EPHB3: variants seen among roughly 807,000 people sequenced by gnomAD.
EPHB3 encodes ephrin type-B receptor 3.
Under a neutral mutation model 100.2 loss-of-function variants are expected in EPHB3, and 33 were observed. The ratio of observed to expected loss-of-function variants is 0.33; its 90% CI spans 0.25 to 0.44. The LOEUF is 0.44. Ranked by LOEUF, EPHB3 falls within the 20% of genes least tolerant of loss-of-function variation. EPHB3 has a pLI of 1.00. For synonymous variants in EPHB3, 526 were observed against 554.7 expected (o/e 0.95, Z 0.73); for missense variants, 1,045 against 1,378.3 (o/e 0.76, Z 3.83).
rs969657315 is a variant in EPHB3, at chr3:184,579,697, G to A, written c.1935G>A (p.Gly645=). The A allele has an allele frequency of 1.2e-6, 2 of 1,611,154 alleles. No homozygotes were observed. The highest frequency in any genetic ancestry group is 1.7e-6 in the Non-Finnish European group (2 of 1,178,074). ...IEEVIGAGEF[G]EVCRGRLKQP... is the part of the protein sequence containing the mutation. ...CCCTGTGCCCTGCAGGGGAATTTGG[G>A]GAAGTGTGCCGTGGTCGACTGAAAC... The change falls in exon 11 of 16, where the codon GGG becomes GGA. Residue 645 remains glycine, a synonymous_variant. Transcript: ENST00000330394. This position sits in a 1 kb window ranked among gnomAD's most constrained non-coding sequence, Gnocchi z 5.2.
In EPHB3 at chr3:184,571,303, C is replaced by T. The variant is rs754241721; in HGVS notation, c.119-15C>T. On this transcript the variant is annotated splice_polypyrimidine_tract_variant and intron_variant, in intron 1 of 15. Coordinates refer to ENST00000330394, the MANE Select transcript of EPHB3 (RefSeq NM_004443.4). This position sits in a 1 kb window ranked among gnomAD's most constrained non-coding sequence, Gnocchi z 5.0. Reference sequence around the variant, plus strand: ...TGAGATTAGTCCCTGACCTTTTTCTCCGTTGTTCCTCCAGAGACCCTCATG... The same window carrying T: ...TGAGATTAGTCCCTGACCTTTTTCTTCGTTGTTCCTCCAGAGACCCTCATG... 1 of 1,613,742 alleles carries T rather than the reference C, an allele frequency of 6.2e-7. No homozygotes were observed.
In EPHB3 at chr3:184,573,246, C is replaced by T. The variant is rs979208867; in HGVS notation, c.856+70C>T. 1.3e-5 allele frequency: 20 copies of T among 1,576,814 alleles called. No homozygotes were observed. In the South Asian group the frequency reaches 2.1e-4, roughly 17 times the overall value. Reference sequence around the variant, plus strand: ...GGCCACAGCTACCTACCGCCCCGCCCCCCACCCCTGCTTGCTATCTGACTA... The same window carrying T: ...GGCCACAGCTACCTACCGCCCCGCCTCCCACCCCTGCTTGCTATCTGACTA... On this transcript the variant is annotated intron_variant, in intron 3 of 15. Transcript: ENST00000330394. The surrounding 1 kb of genome is among the most constrained non-coding windows in gnomAD (Gnocchi z 4.5).
At position 184,561,958 on chromosome 3, in the gene EPHB3, G is replaced by A. The variant is rs1029005082; in HGVS notation, c.-278G>A. ...CCCGGCCCGCCCCCCAAGTCCTCAG[G>A]CACCCAGCTCCCCGGCGCCCCGGAT... is the stretch of plus-strand genomic sequence containing the variant. On this transcript the variant is annotated 5_prime_UTR_variant, in exon 1 of 16. Transcript: ENST00000330394. 10 of 157,856 alleles carry A rather than the reference G, an allele frequency of 6.3e-5. No individual in the cohort carries two copies. Among genetic ancestry groups the A allele is most frequent in the Admixed American group, 1.9e-4 (3 of 15,446 alleles). The allele number at this position is 157,856 out of a possible 1,614,324, so 9.8% of individuals were successfully genotyped here.
rs1714528559 is a variant in EPHB3, at chr3:184,571,102, TGC to T, written c.119-213_119-212del. Among the ~76,000 whole-genome samples, 1 of 152,048 alleles carries T rather than the reference TGC, an allele frequency of 6.6e-6. No homozygotes were observed. The highest frequency in any genetic ancestry group is 1.5e-5 in the Non-Finnish European group (1 of 68,008). ...TCCCGAGTAGCTGGGATTACAGGCG[TGC>T]GCCACCAGCCTGGCTAATTTTGTAT... On this transcript the variant is annotated intron_variant, in intron 1 of 15. Coordinates refer to ENST00000330394, the MANE Select transcript of EPHB3 (RefSeq NM_004443.4). This position sits in a 1 kb window ranked among gnomAD's most constrained non-coding sequence, Gnocchi z 5.0.
In EPHB3 at chr3:184,561,967, T is replaced by A. The variant is rs1453805098; in HGVS notation, c.-269T>A. ...CCCCCCAAGTCCTCAGGCACCCAGC[T>A]CCCCGGCGCCCCGGATCCTCCTGGA... On this transcript the variant is annotated 5_prime_UTR_variant, in exon 1 of 16. Transcript: ENST00000330394. 1 of 157,144 alleles carries A rather than the reference T, an allele frequency of 6.4e-6. No individual in the cohort carries two copies. The highest frequency in any genetic ancestry group is 2.5e-5 in the African/African-American group (1 of 40,760). 9.7% of individuals were successfully genotyped at this position (157,144 alleles called of 1,614,324 possible).
At position 184,573,176 on chromosome 3, in the gene EPHB3, C is replaced by T. The variant is rs767397230; in HGVS notation, c.856C>T (p.Pro286Ser). The part of the protein sequence containing the change: ...EPAAKESQCR[P>S]CPPGSYKAKQ... Reference sequence around the variant, plus strand: ...AGCTGCCAAGGAGTCCCAGTGCCGCCGTGAGTGGGGACTGTCCTGGGGAAA... The same window carrying T: ...AGCTGCCAAGGAGTCCCAGTGCCGCTGTGAGTGGGGACTGTCCTGGGGAAA... Residue 286 changes from proline to serine, a missense_variant and splice_region_variant, in exon 3 of 16, where the codon CCC becomes TCC. By Grantham distance (74) the Pro-to-Ser change is moderately conservative. Coordinates refer to ENST00000330394, the MANE Select transcript of EPHB3 (RefSeq NM_004443.4). This position sits in a 1 kb window ranked among gnomAD's most constrained non-coding sequence, Gnocchi z 4.5. 1.2e-5 allele frequency: 20 copies of T among 1,611,184 alleles called. No individual in the cohort carries two copies. Among genetic ancestry groups the T allele is most frequent in the South Asian group, 7.7e-5 (7 of 91,086 alleles).
rs149143236 is a variant in EPHB3 at position 184,572,834 on chromosome 3, G to A, written c.514G>A (p.Gly172Ser). 3 of 1,566,592 alleles carry A rather than the reference G, an allele frequency of 1.9e-6. No homozygotes were observed. Among genetic ancestry groups the A allele is most frequent in the Non-Finnish European group, 2.6e-6 (3 of 1,156,246 alleles). ...PDESFSRLDA[G>S]RVNTKVRSFG... The stretch of plus-strand genomic sequence containing the variant: ...TGAGAGCTTCTCGCGGCTGGATGCC[G>A]GCCGTGTCAACACCAAGGTGCGCAG... Residue 172 changes from glycine (G) to serine (S), a missense_variant, in exon 3 of 16, where the codon GGC (glycine) becomes AGC (serine). Transcript: ENST00000330394. This position sits in a 1 kb window ranked among gnomAD's most constrained non-coding sequence, Gnocchi z 6.6.
At chr3:184,580,032 A>C (rs1714781520) in intron 11 of EPHB3, 98 bp downstream of exon 11, 1 of 1,520,758 alleles carries the variant, frequency 6.6e-7, no homozygotes, top group Non-Finnish European at 8.8e-7. Context: ...CAAGTCCATA[A>C]GCATTTACTG....
At position 184,572,849 on chromosome 3, in the gene EPHB3, A is replaced by G; in HGVS notation, c.529A>G (p.Lys177Glu). ...GCTGGATGCCGGCCGTGTCAACACCAAGGTGCGCAGCTTTGGGCCACTTTC... is the reference window on the plus strand; with the variant it reads ...GCTGGATGCCGGCCGTGTCAACACCGAGGTGCGCAGCTTTGGGCCACTTTC... ...SRLDAGRVNT[K>E]VRSFGPLSKA... Residue 177 changes from lysine to glutamate, a missense_variant, in exon 3 of 16, where the codon AAG becomes GAG. This residue lies in a region of EPHB3 where 985 missense variants were observed against 1,331.1 expected (regional missense o/e 0.74). Coordinates refer to ENST00000330394, the MANE Select transcript of EPHB3 (RefSeq NM_004443.4). The surrounding 1 kb of genome is among the most constrained non-coding windows in gnomAD (Gnocchi z 6.6). 1 of 1,565,208 alleles carries G rather than the reference A, an allele frequency of 6.4e-7. No homozygotes were observed. The highest frequency in any genetic ancestry group is 8.7e-7 in the Non-Finnish European group (1 of 1,155,474).
intron 11 of EPHB3, 58 bp from the exon 12 acceptor site, chr3:184,580,344 G>A: frequency 6.2e-7 from 1 of 1,604,756 alleles, no homozygotes; most frequent in African/African-American, 1.3e-5. Flanking sequence ...AAGGCAGGTG[G>A]GCAGGCCATG....
chr3:184,564,970 G>A (rs1488565640), intron 1 of EPHB3, among the ~76,000 whole-genome samples: 1 of 152,082 alleles, frequency 6.6e-6, no homozygotes, highest in Non-Finnish European at 1.5e-5. Flanking sequence ...GTGGCTCTTT[G>A]TGTCTGGGGC....
In EPHB3 at chr3:184,575,825, C is replaced by G; in HGVS notation, c.857-5C>G. The G allele has an allele frequency of 6.3e-7, 1 of 1,594,520 alleles. No homozygotes were observed. Among genetic ancestry groups the G allele is most frequent in the Non-Finnish European group, 8.5e-7 (1 of 1,170,548 alleles). On this transcript the variant is annotated splice_polypyrimidine_tract_variant and splice_region_variant and intron_variant, in intron 3 of 15. Coordinates refer to ENST00000330394, the MANE Select transcript of EPHB3 (RefSeq NM_004443.4). ...GAGCCCCATTCATCCTCTTCTCTCC[C>G]ACAGCCTGTCCCCCTGGGAGCTACA...
rs1392505608 is a variant in EPHB3 at position 184,579,379 on chromosome 3, T to A, written c.1802-98T>A. 6.5e-7 allele frequency: 1 copy of A among 1,541,244 alleles called. No individual in the cohort carries two copies. The highest frequency in any genetic ancestry group is 8.8e-7 in the Non-Finnish European group (1 of 1,137,448). ...ATTAGGGCAGCAACACAGAGGAATA[T>A]GGGGCTGGGCTCAGCAGGGAGCCTG... On this transcript the variant is annotated intron_variant, in intron 9 of 15. Coordinates refer to ENST00000330394, the MANE Select transcript of EPHB3 (RefSeq NM_004443.4). This position sits in a 1 kb window ranked among gnomAD's most constrained non-coding sequence, Gnocchi z 5.2.
chr3:184,573,203 G>A lies in EPHB3; in HGVS notation c.856+27G>A, dbSNP rs1714585011. 5.0e-6 allele frequency: 8 copies of A among 1,606,626 alleles called. No individual in the cohort carries two copies. The highest frequency in any genetic ancestry group is 3.3e-5 in the Admixed American group (2 of 59,976). ...TGAGTGGGGACTGTCCTGGGGAAAGGGTTGTCGGGAGGGCCTGGGCCACAG... is the reference window on the plus strand; with the variant it reads ...TGAGTGGGGACTGTCCTGGGGAAAGAGTTGTCGGGAGGGCCTGGGCCACAG... On this transcript the variant is annotated intron_variant, in intron 3 of 15. Transcript: ENST00000330394. This position sits in a 1 kb window ranked among gnomAD's most constrained non-coding sequence, Gnocchi z 4.5.
Position 184,576,924 on chromosome 3 carries a change from G to T in EPHB3, c.1095G>T (p.Leu365=). Residue 365 remains leucine, a synonymous_variant, in exon 5 of 16, where the codon CTG becomes CTT. Transcript: ENST00000330394. ...TCGAGTGGAGTGAGCCCCGGGACCT[G>T]GGTGGCCGGGATGACCTCCTGTACA... The part of the protein sequence containing the change: ...LILEWSEPRD[L]GGRDDLLYNV... 6.2e-7 allele frequency: 1 copy of T among 1,600,812 alleles called. No homozygotes were observed. The highest frequency in any genetic ancestry group is 1.3e-5 in the African/African-American group (1 of 74,860).
chr3:184,572,387 C>T lies in EPHB3; in HGVS notation c.184-117C>T. 1 of 1,186,010 alleles carries T rather than the reference C, an allele frequency of 8.4e-7. No homozygotes were observed. Among genetic ancestry groups the T allele is most frequent in the African/African-American group, 1.6e-5 (1 of 62,990 alleles). 73.5% of individuals were successfully genotyped at this position (1,186,010 alleles called of 1,614,324 possible). On this transcript the variant is annotated intron_variant, in intron 2 of 15. Transcript: ENST00000330394. This position sits in a 1 kb window ranked among gnomAD's most constrained non-coding sequence, Gnocchi z 6.6. The stretch of plus-strand genomic sequence containing the variant: ...TTTGAGCCCATATAGCCTGTATGCT[C>T]AGCCACTGCACACCATAGAAGCATC...
In EPHB3 at chr3:184,579,527, A is replaced by G. The variant is rs779386061; in HGVS notation, c.1852A>G (p.Asn618Asp). The change falls in exon 10 of 16, where the codon AAT becomes GAT. Residue 618 changes from asparagine to aspartate, a missense_variant. Asn to Asp is a conservative substitution (Grantham distance 23). Around this residue, in one of 2 missense-constraint regions of EPHB3, gnomAD observed 985 missense variants for 1,331.1 expected, o/e 0.74. Transcript: ENST00000330394. The surrounding 1 kb of genome is among the most constrained non-coding windows in gnomAD (Gnocchi z 5.2). ...YIDPFTYEDPNEAVREFAKEI... is the reference protein window; with the variant it reads ...YIDPFTYEDPDEAVREFAKEI... ...TGACCCTTTTACCTACGAGGACCCT[A>G]ATGAGGCTGTTCGGGAGTTTGCCAA... 2.5e-6 allele frequency: 4 copies of G among 1,613,888 alleles called. No individual in the cohort carries two copies. Among genetic ancestry groups the G allele is most frequent in the Non-Finnish European group, 3.4e-6 (4 of 1,179,968 alleles).
Position 184,571,347 on chromosome 3 carries a change from T to A in EPHB3, c.148T>A (p.Ser50Thr), listed in dbSNP as rs369718915. ...ETLMDTKWVT[S>T]ELAWTSHPES... ...CCTCATGGACACAAAATGGGTAACA[T>A]CTGAGTTGGCGTGGACATCTCATCC... The change falls in exon 2 of 16, where the codon TCT becomes ACT. Residue 50 changes from serine (S) to threonine (T), a missense_variant. By Grantham distance (58) the Ser-to-Thr change is moderately conservative. This residue lies in a region of EPHB3 where 985 missense variants were observed against 1,331.1 expected (regional missense o/e 0.74). Coordinates refer to ENST00000330394, the MANE Select transcript of EPHB3 (RefSeq NM_004443.4). This position sits in a 1 kb window ranked among gnomAD's most constrained non-coding sequence, Gnocchi z 5.0. The A allele has an allele frequency of 2.5e-6, 4 of 1,614,084 alleles. No individual in the cohort carries two copies. In the South Asian group the frequency reaches 3.3e-5, roughly 13 times the overall value.
At chr3:184,581,229 C>T in intron 14 of EPHB3, 24 bp from the exon 15 acceptor site, 1 of 1,600,714 alleles carries the variant, frequency 6.2e-7, no homozygotes, top group Non-Finnish European at 8.5e-7. Flanking sequence ...CAAGACTCAC[C>T]AGGTCCTTCT....
Sources: allele counts gnomAD v4.1 joint callset (sites outside exome capture counted in the v4.1 genomes callset), GRCh38; gene constraint gnomAD v4.1.1; regional missense constraint gnomAD v4.1.1; non-coding constraint Gnocchi (gnomAD v3.1); transcripts MANE v1.5; gene names NCBI Gene and HGNC (gene_info 2026-07-23, HGNC 2026-07-21).